Variants in MATR3 observed in about 807,000 individuals in gnomAD.
MATR3 encodes matrin 3, also known as matrin-3.
In MATR3, 4 loss-of-function variants were observed where a neutral mutation model predicts 85.5. The ratio of observed to expected loss-of-function variants is 0.05; its 90% CI spans 0.02 to 0.11. The LOEUF is 0.11. Among genes scored for constraint, MATR3 ranks in the 10% least tolerant of loss-of-function variants. The pLI, the probability that MATR3 is intolerant of heterozygous loss-of-function variation, is 1.00. For synonymous variants in MATR3, 336 were observed against 343.1 expected (o/e 0.98, Z 0.23); for missense variants, 685 against 1,016.1 (o/e 0.67, Z 4.43).
chr5:139,285,676 A>T (rs748719108), intron 3 of MATR3, among the ~76,000 whole-genome samples: 1 of 152,184 alleles, frequency 6.6e-6, no homozygotes, highest in Non-Finnish European at 1.5e-5. Flanking sequence ...TCCGTCTCAA[A>T]AAAAAGAATT....
At chr5:139,303,628 G>A (rs969729430) in intron 1 of MATR3, among the ~76,000 whole-genome samples, 10 of 152,092 alleles carry the variant, frequency 6.6e-5, no homozygotes, top group African/African-American at 2.2e-4. Context: ...CGGCTACTTG[G>A]GCTGAGGTGG....
At chr5:139,321,052 G>C (rs1312000096) in intron 9 of MATR3, among the ~76,000 whole-genome samples, 2 of 151,720 alleles carry the variant, frequency 1.3e-5, no homozygotes, top group Admixed American at 6.6e-5. Flanking sequence ...ACCGCGCCCA[G>C]CCAGCTTATT....
intron 1 of MATR3, among the ~76,000 whole-genome samples, chr5:139,302,533 TAATA>T (rs1245319255): frequency 1.3e-5 from 2 of 152,234 alleles, no homozygotes; most frequent in African/African-American, 4.8e-5. Context: ...TTATAAAATT[TAATA>T]AATGAAGAAA....
intron 3 of MATR3, among the ~76,000 whole-genome samples, chr5:139,284,122 T>C (rs978003302): frequency 2.6e-5 from 4 of 152,240 alleles, no homozygotes; most frequent in African/African-American, 9.6e-5. Flanking sequence ...TCTGTCATAA[T>C]GTACCCAAAA....
chr5:139,277,683 A>G (rs1753338398), intron 2 of MATR3, among the ~76,000 whole-genome samples: 1 of 152,074 alleles, frequency 6.6e-6, no homozygotes, highest in African/African-American at 2.4e-5. Context: ...CTCTCCAGAT[A>G]AGGGTCCTTA....
intron 1 of MATR3, among the ~76,000 whole-genome samples, chr5:139,301,173 C>T (rs1754421193): frequency 6.6e-6 from 1 of 152,112 alleles, no homozygotes; most frequent in Non-Finnish European, 1.5e-5. Context: ...TCCCACCACC[C>T]TTTTTGGCTC....
chr5:139,281,479 A>G (rs1172381963), intron 3 of MATR3, among the ~76,000 whole-genome samples: 3 of 148,824 alleles, frequency 2.0e-5, no homozygotes, highest in Non-Finnish European at 4.4e-5. Flanking sequence ...AGTAGCTGGG[A>G]CTATAGTCAC....
chr5:139,302,960 G>T, intron 1 of MATR3, among the ~76,000 whole-genome samples: 1 of 151,324 alleles, frequency 6.6e-6, no homozygotes, highest in South Asian at 2.1e-4. Context: ...CATTATGAAG[G>T]TATTTTTTTC....
At chr5:139,291,927 A>G (rs1753882785), upstream of MATR3, 1 of 142,808 alleles carries the variant, frequency 7.0e-6, no homozygotes, top group Non-Finnish European at 1.5e-5. Context: ...CACTTTATTG[A>G]ATTACATAAC....
At chr5:139,276,099 A>T (rs896535921) in intron 1 of MATR3, 3 of 456,602 alleles carry the variant, frequency 6.6e-6, no homozygotes, top group Non-Finnish European at 1.3e-5. Flanking sequence ...TGGCTGACTA[A>T]CCTGGAGTTG....
In MATR3 at chr5:139,331,547, C is replaced by CT. The variant is rs1173320167; in HGVS notation, c.*2157dup. On this transcript the variant is annotated 3_prime_UTR_variant, in exon 15 of 15. Transcript: ENST00000394805. Reference sequence around the variant, plus strand: ...CAGCCCTTCGATTACGAGAAAACCTCTTTTTAGTAGGAATGTTTCCACTCA... The same window carrying CT: ...CAGCCCTTCGATTACGAGAAAACCTCTTTTTTAGTAGGAATGTTTCCACTCA... 1 of 454,012 alleles carries CT rather than the reference C, an allele frequency of 2.2e-6. No homozygotes were observed. The highest frequency in any genetic ancestry group is 4.4e-6 in the Non-Finnish European group (1 of 226,802). 28.1% of individuals were successfully genotyped at this position (454,012 alleles called of 1,614,324 possible).
chr5:139,280,712 A>G lies in MATR3; in HGVS notation c.-178+1583A>G, dbSNP rs575984320. The G allele has an allele frequency of 2.0e-4, 31 of 152,384 alleles. 1 individual carries two copies. Among genetic ancestry groups the G allele is most frequent in the Admixed American group, 1.6e-3 (24 of 15,306 alleles). 9.4% of individuals were successfully genotyped at this position (152,384 alleles called of 1,614,324 possible). ...TAAGGAAAGAGGAAAATTTTATGTC[A>G]TGAATAGTCACAGTACTTTAAATCT... is the stretch of plus-strand genomic sequence containing the variant. On this transcript the variant is annotated intron_variant, in intron 3 of 16. Coordinates refer to ENST00000509990, the Ensembl canonical transcript of MATR3.
In MATR3 at chr5:139,325,631, A is replaced by G; in HGVS notation, c.2340A>G (p.Arg780=). The G allele has an allele frequency of 6.2e-7, 1 of 1,614,176 alleles. No individual in the cohort carries two copies. ...ACTATACAATCCCAGATGAGTATAG[A>G]ATTGGACCATATCAGCCCAATGTTC... The part of the protein sequence containing the change: ...KDDYTIPDEY[R]IGPYQPNVPV... The change falls in exon 13 of 15, where the codon AGA becomes AGG. Residue 780 remains arginine, a synonymous_variant. Coordinates refer to ENST00000394805, the MANE Select transcript of MATR3 (RefSeq NM_018834.6).
chr5:139,308,383 C>G, intron 2 of MATR3, 56 bp downstream of exon 2: 1 of 1,598,068 alleles, frequency 6.3e-7, no homozygotes, highest in Non-Finnish European at 8.6e-7. Flanking sequence ...GCCTATTTAC[C>G]TATATCTTTG....
At chr5:139,324,853 T>C (rs2152019294) in intron 12 of MATR3, among the ~76,000 whole-genome samples, 1 of 152,270 alleles carries the variant, frequency 6.6e-6, no homozygotes, top group South Asian at 2.1e-4. Flanking sequence ...TATCAGTAAT[T>C]TTTTGGAAGA....
intron 12 of MATR3, among the ~76,000 whole-genome samples, chr5:139,325,108 G>A (rs909021689): frequency 6.6e-6 from 1 of 152,016 alleles, no homozygotes; most frequent in Admixed American, 6.6e-5. Context: ...CAGGAGAATG[G>A]CGTGAACCAG....
Position 139,299,459 on chromosome 5 carries a change from A to G in MATR3, c.-178+5654A>G, listed in dbSNP as rs576844439. On this transcript the variant is annotated intron_variant, in intron 1 of 14. Coordinates refer to ENST00000394805, the MANE Select transcript of MATR3 (RefSeq NM_018834.6). ...GAGGCTGAGGGAGGAGGATCACTTGAACCCAGGAGTTCATGACCAGCTCAT... is the reference window on the plus strand; with the variant it reads ...GAGGCTGAGGGAGGAGGATCACTTGGACCCAGGAGTTCATGACCAGCTCAT... Among the ~76,000 whole-genome samples, 3 of 152,144 alleles carry G rather than the reference A, an allele frequency of 2.0e-5. No individual in the cohort carries two copies. In the South Asian group the frequency reaches 6.2e-4, roughly 32 times the overall value.
chr5:139,277,949 G>C lies in MATR3; in HGVS notation c.-256-1102G>C, dbSNP rs902593793. ...CTTTTAGCAATTTTGAAATATACAG[G>C]CCAGGCACGGTGGCTCGCACCTGTA... On this transcript the variant is annotated intron_variant, in intron 2 of 16. Transcript: ENST00000509990. Among the ~76,000 whole-genome samples the C allele has an allele frequency of 3.9e-5, 6 of 152,090 alleles. No individual in the cohort carries two copies. The South Asian group carries it at 8.3e-4, about 21-fold the overall frequency.
At chr5:139,312,100 GCTC>G (rs1755013822) in intron 2 of MATR3, 1 of 151,920 alleles carries the variant, frequency 6.6e-6, no homozygotes, top group Non-Finnish European at 1.5e-5. Flanking sequence ...CTTACCTGTG[GCTC>G]CTCTGACTTA....
Sources: gnomAD v4.1 joint callset for allele counts (sites outside exome capture counted in the v4.1 genomes callset) on GRCh38, gnomAD v4.1.1 for gene constraint, MANE v1.5 for transcripts, NCBI Gene and HGNC (gene_info 2026-07-23, HGNC 2026-07-21) for gene names.